The following WDR41 variants were observed in gnomAD, a reference collection of about 807,000 sequenced individuals.
The protein encoded by WDR41 is WD repeat-containing protein 41.
Under a neutral mutation model 69.3 loss-of-function variants are expected in WDR41, and 63 were observed. The ratio of observed to expected loss-of-function variants is 0.91; its 90% CI spans 0.74 to 1.12. The LOEUF (loss-of-function observed/expected upper bound fraction) is 1.12. Ranked by LOEUF, WDR41 falls within the 50% of genes most tolerant of loss-of-function variation. The pLI, the probability that WDR41 is intolerant of heterozygous loss-of-function variation, is 0.00. For missense variants in WDR41, 543 were observed against 534.5 expected, an observed-to-expected ratio of 1.02 and a Z score of -0.16; for synonymous variants, 185 against 192.1, an observed-to-expected ratio of 0.96 and a Z score of 0.31.
chr5:77,501,491 A>G (rs1186951775), intron 1 of WDR41, among the ~76,000 whole-genome samples: 2 of 152,246 alleles, frequency 1.3e-5, no homozygotes, highest in African/African-American at 2.4e-5. Context: ...GCAGACTTAA[A>G]TGTCCCTGTC....
intron 1 of WDR41, among the ~76,000 whole-genome samples, chr5:77,610,486 G>A (rs1410714324): frequency 1.8e-4 from 27 of 152,196 alleles, no homozygotes; most frequent in African/African-American, 6.3e-4. Flanking sequence ...CCAGAAGAGA[G>A]TGGGGGCCAA....
At chr5:77,473,275 C>T (rs1381631108) in intron 2 of WDR41, among the ~76,000 whole-genome samples, 2 of 152,152 alleles carry the variant, frequency 1.3e-5, no homozygotes, top group African/African-American at 2.4e-5. Context: ...CTTCCTTACA[C>T]CTTCTACAAA....
chr5:77,478,922 A>G (rs1801094727), intron 2 of WDR41, among the ~76,000 whole-genome samples: 1 of 151,844 alleles, frequency 6.6e-6, no homozygotes, highest in Admixed American at 6.6e-5. Context: ...TATATCTAGA[A>G]AACCCCACTG....
At chr5:77,473,228 AC>A (rs1800719081) in intron 2 of WDR41, among the ~76,000 whole-genome samples, 1 of 152,216 alleles carries the variant, frequency 6.6e-6, no homozygotes, top group Non-Finnish European at 1.5e-5. Context: ...TGCTGGGAAA[AC>A]TGGCTAGTCA....
chr5:77,481,829 G>A (rs1657644715), intron 2 of WDR41, among the ~76,000 whole-genome samples: 1 of 148,030 alleles, frequency 6.8e-6, no homozygotes, highest in South Asian at 2.1e-4. Context: ...TGGTAATCCA[G>A]TTTTGTATCG....
chr5:77,546,809 G>C (rs575040323), intron 1 of WDR41, among the ~76,000 whole-genome samples: 73 of 152,136 alleles, frequency 4.8e-4, no homozygotes, highest in African/African-American at 1.6e-3. Context: ...AACCAGGAAA[G>C]GACATAACCA....
At position 77,449,762 on chromosome 5, in the gene WDR41, T is replaced by A; in HGVS notation, c.695A>T (p.Asn232Ile). 6.2e-7 allele frequency: 1 copy of A among 1,600,474 alleles called. No homozygotes were observed. The highest frequency in any genetic ancestry group is 2.2e-5 in the East Asian group (1 of 44,784). The change falls in exon 8 of 13, where the codon AAT becomes ATT. Residue 232 changes from asparagine (N) to isoleucine (I), a missense_variant and splice_region_variant. Asn to Ile is a moderately radical substitution (Grantham distance 149). Transcript: ENST00000296679. ...ATAAATGTACACAATGAGCTTACCA[T>A]TGACATTAATCAATGAGAGAATATT... Reference protein sequence around the residue: ...QDNILSLINVNDLSFVTGSHV... With the variant: ...QDNILSLINVIDLSFVTGSHV...
At chr5:77,442,601 C>G (rs892669196) in intron 8 of WDR41, among the ~76,000 whole-genome samples, 2 of 151,556 alleles carry the variant, frequency 1.3e-5, no homozygotes, top group Non-Finnish European at 2.9e-5. Flanking sequence ...TTTTTAAAAC[C>G]TTTAAAAAAA....
intron 1 of WDR41, among the ~76,000 whole-genome samples, chr5:77,599,392 G>A (rs1561235691): frequency 1.3e-5 from 2 of 151,846 alleles, no homozygotes; most frequent in South Asian, 2.1e-4. Flanking sequence ...TAGAGACGGG[G>A]TTTCACCATT....
intron 1 of WDR41, among the ~76,000 whole-genome samples, chr5:77,564,440 G>A (rs1743582906): frequency 6.6e-6 from 1 of 152,068 alleles, no homozygotes; most frequent in Admixed American, 6.6e-5. Context: ...TATTTTACAT[G>A]TGGAACATCC....
chr5:77,537,837 G>T lies in WDR41; in HGVS notation c.43-48265C>A, dbSNP rs1450465039. On this transcript the variant is annotated intron_variant, in intron 1 of 5. Transcript: ENST00000509971. The stretch of plus-strand genomic sequence containing the variant: ...GTAAGTGTAAGTGCTCAACAAGTAG[G>T]TATTATATAGATGAATAAGTAAATG... 2.0e-5 allele frequency among the ~76,000 whole-genome samples: 3 copies of T among 152,126 alleles called. No homozygotes were observed. The East Asian group carries it at 5.8e-4, about 29-fold the overall frequency.
chr5:77,530,241 A>T (rs1268427566), intron 1 of WDR41, among the ~76,000 whole-genome samples: 2 of 151,672 alleles, frequency 1.3e-5, no homozygotes, highest in Admixed American at 6.6e-5. Context: ...TGGTACCCCT[A>T]TCCTATTACC....
intron 1 of WDR41, among the ~76,000 whole-genome samples, chr5:77,568,791 A>G (rs1415278555): frequency 6.6e-6 from 1 of 152,182 alleles, no homozygotes; most frequent in Non-Finnish European, 1.5e-5. Context: ...TCAACAGACT[A>G]TCCTCTCCCA....
chr5:77,457,278 T>C (rs73141012), intron 5 of WDR41, among the ~76,000 whole-genome samples: 8,208 of 152,220 alleles, frequency 0.054, 372 homozygotes, highest in South Asian at 0.13. Context: ...TAATTCTTTT[T>C]AGATGTTGCT....
chr5:77,433,287 T>C lies in WDR41; in HGVS notation c.1228A>G (p.Met410Val), dbSNP rs1475341035. The stretch of plus-strand genomic sequence containing the variant: ...CCATGATCTTCAAAGTATAGAAACA[T>C]CTGTAAAGAAAATTAAAACTGATTA... ...DLIGHSSSVE[M>V]FLYFEDHGLV... The change falls in exon 13 of 13, where the codon ATG becomes GTG. Residue 410 changes from methionine (M) to valine (V), a missense_variant and splice_region_variant. By Grantham distance (21) the Met-to-Val change is conservative. Coordinates refer to ENST00000296679, the MANE Select transcript of WDR41 (RefSeq NM_018268.4). 2 of 1,608,432 alleles carry C rather than the reference T, an allele frequency of 1.2e-6. No homozygotes were observed. Among genetic ancestry groups the C allele is most frequent in the Non-Finnish European group, 1.7e-6 (2 of 1,178,354 alleles).
At chr5:77,454,069 C>G (rs1191786550) in intron 5 of WDR41, 141 bp from the exon 6 acceptor site, 4 of 646,140 alleles carry the variant, frequency 6.2e-6, no homozygotes, top group Non-Finnish European at 8.2e-6. Context: ...CATGTGGGCA[C>G]TACTAAGTGA....
intron 1 of WDR41, among the ~76,000 whole-genome samples, chr5:77,538,272 T>C (rs1274209208): frequency 5.3e-5 from 8 of 152,170 alleles, no homozygotes; most frequent in South Asian, 4.1e-4. Flanking sequence ...GCAAAAGACA[T>C]GATTTCTTTT....
chr5:77,454,200 C>T (rs1031374130), intron 5 of WDR41, among the ~76,000 whole-genome samples: 18 of 152,130 alleles, frequency 1.2e-4, no homozygotes, highest in African/African-American at 3.9e-4. Context: ...AAGGTGAAGA[C>T]ACTAAAGCAG....
At chr5:77,545,887 G>C (rs1235470615) in intron 1 of WDR41, 9 of 543,834 alleles carry the variant, frequency 1.7e-5, no homozygotes. Flanking sequence ...CTGGGGGACA[G>C]AGGCTACTGG....
Sources: allele counts gnomAD v4.1 joint callset (sites outside exome capture counted in the v4.1 genomes callset), GRCh38; gene constraint gnomAD v4.1.1; transcripts MANE v1.5; gene names NCBI Gene and HGNC (gene_info 2026-07-23, HGNC 2026-07-21).